PELI2: variants seen among roughly 807,000 people sequenced by gnomAD.
The protein encoded by PELI2 is E3 ubiquitin-protein ligase pellino homolog 2.
A neutral mutation model predicts 42.3 loss-of-function variants in PELI2; 23 were observed. The observed-to-expected ratio is 0.54, with a 90% CI of 0.39 to 0.77. The LOEUF is 0.77. PELI2 is among the 30% of genes least tolerant of loss of function. PELI2 has a pLI of 0.00. For synonymous variants in PELI2, 245 were observed against 212.2 expected (o/e 1.15, Z -1.34); for missense variants, 463 against 553.2 (o/e 0.84, Z 1.64).
At chr14:56,284,118 T>A (rs1889571427) in intron 3 of PELI2, among the ~76,000 whole-genome samples, 1 of 152,166 alleles carries the variant, frequency 6.6e-6, no homozygotes, top group Admixed American at 6.5e-5. Context: ...AGAAAGGGCT[T>A]TATGCTGCAT....
chr14:56,218,049 A>T (rs751536434), intron 2 of PELI2, among the ~76,000 whole-genome samples: 1 of 152,216 alleles, frequency 6.6e-6, no homozygotes, highest in Non-Finnish European at 1.5e-5. Context: ...GAAAAAATTG[A>T]GGCATAATGA....
Position 56,296,625 on chromosome 14 carries a change from A to C in PELI2, c.722A>C (p.Gln241Pro). Residue 241 changes from glutamine to proline, a missense_variant, in exon 6 of 6, where the codon CAG (glutamine) becomes CCG (proline). By Grantham distance (76) the Gln-to-Pro change is moderately conservative (BLOSUM62 -1). Around this residue, in one of 3 missense-constraint regions of PELI2, gnomAD observed 343 missense variants for 378.4 expected, o/e 0.91. Coordinates refer to ENST00000267460, the MANE Select transcript of PELI2 (RefSeq NM_021255.3). ...KLVESETNVL[Q>P]DGSLIDLCGA... Reference sequence around the variant, plus strand: ...GTGGAAAGTGAGACCAACGTCCTGCAGGACGGCTCCCTCATTGACCTGTGT... The same window carrying C: ...GTGGAAAGTGAGACCAACGTCCTGCCGGACGGCTCCCTCATTGACCTGTGT... 1.2e-6 allele frequency: 2 copies of C among 1,608,570 alleles called. No individual in the cohort carries two copies. Among genetic ancestry groups the C allele is most frequent in the East Asian group, 4.5e-5 (2 of 44,712 alleles).
At chr14:56,130,191 C>G (rs1883433676) in intron 1 of PELI2, among the ~76,000 whole-genome samples, 1 of 152,116 alleles carries the variant, frequency 6.6e-6, no homozygotes, top group Non-Finnish European at 1.5e-5. Context: ...GGTATCTGTC[C>G]TTTATTGAGT....
chr14:56,260,101 C>T (rs1175311492), intron 2 of PELI2, among the ~76,000 whole-genome samples: 5 of 152,000 alleles, frequency 3.3e-5, no homozygotes, highest in Non-Finnish European at 7.4e-5. Flanking sequence ...TCCAGATTGC[C>T]TGTTTTGTGA....
chr14:56,128,019 A>G (rs1398821360), intron 1 of PELI2, among the ~76,000 whole-genome samples: 1 of 152,164 alleles, frequency 6.6e-6, no homozygotes, highest in Non-Finnish European at 1.5e-5. Context: ...GCATGGGTAT[A>G]TTAAAAATGG....
At chr14:56,270,109 A>G (rs1263084786) in intron 2 of PELI2, among the ~76,000 whole-genome samples, 1 of 152,216 alleles carries the variant, frequency 6.6e-6, no homozygotes, top group African/African-American at 2.4e-5. Flanking sequence ...ATTCTGTACC[A>G]GGGTTTATCG....
chr14:56,205,081 G>A (rs1392533944), intron 2 of PELI2, among the ~76,000 whole-genome samples: 1 of 151,750 alleles, frequency 6.6e-6, no homozygotes, highest in Non-Finnish European at 1.5e-5. Flanking sequence ...GTAGTGGGTA[G>A]CAGACTCAGG....
intron 1 of PELI2, among the ~76,000 whole-genome samples, chr14:56,155,490 T>G (rs1566609993): frequency 6.6e-6 from 1 of 152,180 alleles, no homozygotes; most frequent in Non-Finnish European, 1.5e-5. Flanking sequence ...TGGTCCTCTC[T>G]TCATCATACA....
At chr14:56,287,066 A>G (rs936541497) in intron 3 of PELI2, among the ~76,000 whole-genome samples, 4 of 152,246 alleles carry the variant, frequency 2.6e-5, no homozygotes, top group Non-Finnish European at 5.9e-5. Flanking sequence ...CAGTTATGAA[A>G]CATTCAAACC....
intron 1 of PELI2, among the ~76,000 whole-genome samples, chr14:56,165,432 C>T (rs1365050302): frequency 6.6e-6 from 1 of 152,030 alleles, no homozygotes; most frequent in East Asian, 1.9e-4. Flanking sequence ...ACTTGTTTAA[C>T]ATTTGTTTTC....
At chr14:56,185,985 G>A (rs1885756588) in intron 2 of PELI2, among the ~76,000 whole-genome samples, 1 of 152,010 alleles carries the variant, frequency 6.6e-6, no homozygotes, top group South Asian at 2.1e-4. Context: ...ACCTTACATG[G>A]CAAAAGGGAT....
At chr14:56,284,891 A>T (rs1353743290) in intron 3 of PELI2, among the ~76,000 whole-genome samples, 2 of 152,200 alleles carry the variant, frequency 1.3e-5, no homozygotes, top group Non-Finnish European at 2.9e-5. Flanking sequence ...GGGCAGAGGA[A>T]ACAGTGAGCG....
In PELI2 at chr14:56,197,915, AGACACACACAC is replaced by A. The variant is rs980416250; in HGVS notation, c.207+19452_207+19462del. On this transcript the variant is annotated intron_variant, in intron 2 of 5. Transcript: ENST00000267460. The surrounding 1 kb of genome is among the most constrained non-coding windows in gnomAD (Gnocchi z 4.9). ...ACACACCAGGAATGGTGACTGGTGA[AGACACACACAC>A]ACACACACACACACACACACACCAG... Among the ~76,000 whole-genome samples, 1 of 65,602 alleles carries A rather than the reference AGACACACACAC, an allele frequency of 1.5e-5. No homozygotes were observed. The highest frequency in any genetic ancestry group is 6.2e-5 in the African/African-American group (1 of 16,202). 43.0% of individuals were successfully genotyped at this position (65,602 alleles called of 152,430 possible).
chr14:56,247,011 A>G (rs540183613), intron 2 of PELI2, among the ~76,000 whole-genome samples: 2 of 152,202 alleles, frequency 1.3e-5, no homozygotes, highest in African/African-American at 4.8e-5. Flanking sequence ...TCTACTGCTT[A>G]CTTTCTGTAC....
At chr14:56,187,029 C>T (rs1227043208) in intron 2 of PELI2, among the ~76,000 whole-genome samples, 1 of 152,118 alleles carries the variant, frequency 6.6e-6, no homozygotes, top group Non-Finnish European at 1.5e-5. Context: ...GAACTTTATT[C>T]AAACTGACTG....
chr14:56,138,106 C>T (rs530561933), intron 1 of PELI2, among the ~76,000 whole-genome samples: 2 of 152,206 alleles, frequency 1.3e-5, no homozygotes, highest in Non-Finnish European at 2.9e-5. Flanking sequence ...AGCCCGCTCT[C>T]GCTGCACCGG....
intron 3 of PELI2, among the ~76,000 whole-genome samples, chr14:56,287,707 T>C (rs538514104): frequency 6.6e-6 from 1 of 152,186 alleles, no homozygotes; most frequent in African/African-American, 2.4e-5. Context: ...TTTAGAGAGA[T>C]AGTCTGTGCA....
intron 2 of PELI2, among the ~76,000 whole-genome samples, chr14:56,221,257 A>G (rs1401773425): frequency 6.6e-6 from 1 of 152,200 alleles, no homozygotes; most frequent in East Asian, 1.9e-4. Flanking sequence ...TCCCTGAGAC[A>G]TTAATAGGAG....
At chr14:56,213,153 G>A (rs775781037) in intron 2 of PELI2, among the ~76,000 whole-genome samples, 2 of 152,170 alleles carry the variant, frequency 1.3e-5, no homozygotes, top group Admixed American at 1.3e-4. Context: ...GGAGTATCAC[G>A]TTCTGAAGAA....
Sources: gnomAD v4.1 joint callset for allele counts (sites outside exome capture counted in the v4.1 genomes callset) on GRCh38, gnomAD v4.1.1 for gene constraint, gnomAD v4.1.1 regional missense constraint, Gnocchi (gnomAD v3.1) non-coding constraint, MANE v1.5 for transcripts, NCBI Gene and HGNC (gene_info 2026-07-23, HGNC 2026-07-21) for gene names.